SPOCK1: variants seen among roughly 807,000 people sequenced by gnomAD.
SPOCK1 encodes SPARC (osteonectin), cwcv and kazal like domains proteoglycan 1.
In SPOCK1, 23 loss-of-function variants were observed where a neutral mutation model predicts 55.3. The observed-to-expected ratio is 0.42, with a 90% confidence interval of 0.30 to 0.59. SPOCK1 has a LOEUF of 0.59. Ranked by LOEUF, SPOCK1 falls within the 20% of genes least tolerant of loss-of-function variation. The pLI, the probability that SPOCK1 is intolerant of heterozygous loss-of-function variation, is 0.22. For missense variants in SPOCK1, 499 were observed against 552.5 expected, an observed-to-expected ratio of 0.90 and a Z score of 0.97; for synonymous variants, 226 against 221.0, an observed-to-expected ratio of 1.02 and a Z score of -0.20.
chr5:137,140,810 G>A, intron 3 of SPOCK1, 116 bp from the exon 4 acceptor site: 1 of 591,938 alleles, frequency 1.7e-6, no homozygotes, highest in South Asian at 3.1e-5. Context: ...CCAGACTGGT[G>A]TGCGGTGGCG....
At chr5:137,057,135 T>C (rs1752317454) in intron 6 of SPOCK1, among the ~76,000 whole-genome samples, 1 of 152,122 alleles carries the variant, frequency 6.6e-6, no homozygotes, top group African/African-American at 2.4e-5. Context: ...CTTGAAATAA[T>C]AAGATTCATA....
chr5:137,032,975 C>G (rs1751811563), intron 6 of SPOCK1, among the ~76,000 whole-genome samples: 1 of 152,214 alleles, frequency 6.6e-6, no homozygotes, highest in Non-Finnish European at 1.5e-5. Context: ...GAACTCGGCC[C>G]TCACAGCCTC....
intron 6 of SPOCK1, among the ~76,000 whole-genome samples, chr5:137,025,631 A>C (rs1256961967): frequency 2.0e-5 from 3 of 152,118 alleles, no homozygotes; most frequent in Non-Finnish European, 4.4e-5. Context: ...TTGAGGTGGG[A>C]GGATCACTTG....
At chr5:137,114,754 A>T (rs1753545362) in intron 4 of SPOCK1, among the ~76,000 whole-genome samples, 1 of 152,244 alleles carries the variant, frequency 6.6e-6, no homozygotes, top group Non-Finnish European at 1.5e-5. Context: ...ACTGATAATG[A>T]ATCAGCAAAT....
At chr5:137,449,186 T>C (rs1189472916) in intron 2 of SPOCK1, among the ~76,000 whole-genome samples, 1 of 152,196 alleles carries the variant, frequency 6.6e-6, no homozygotes, top group Non-Finnish European at 1.5e-5. Flanking sequence ...TAGAAAATGA[T>C]TTCTTCTCAA....
chr5:137,026,641 G>T (rs1405419352), intron 6 of SPOCK1, among the ~76,000 whole-genome samples: 1 of 151,948 alleles, frequency 6.6e-6, no homozygotes, highest in Non-Finnish European at 1.5e-5. Flanking sequence ...ACCCTCTATT[G>T]GTTCTGTTTC....
intron 2 of SPOCK1, among the ~76,000 whole-genome samples, chr5:137,451,799 C>T (rs935858206): frequency 6.6e-5 from 10 of 152,198 alleles, no homozygotes; most frequent in African/African-American, 2.2e-4. Context: ...ATTTGCTTCA[C>T]CCATTTACAT....
intron 5 of SPOCK1, among the ~76,000 whole-genome samples, chr5:137,110,139 T>A (rs1753440983): frequency 6.6e-6 from 1 of 152,192 alleles, no homozygotes; most frequent in African/African-American, 2.4e-5. Context: ...GTAACGATAG[T>A]GGCAAGGGAG....
intron 2 of SPOCK1, among the ~76,000 whole-genome samples, chr5:137,436,367 A>G (rs529132677): frequency 6.6e-6 from 1 of 152,234 alleles, no homozygotes; most frequent in South Asian, 2.1e-4. Flanking sequence ...CAAATAGTTA[A>G]CTTAGAATAT....
chr5:137,150,539 G>A (rs1391037174), intron 3 of SPOCK1, among the ~76,000 whole-genome samples: 2 of 152,096 alleles, frequency 1.3e-5, no homozygotes, highest in South Asian at 2.1e-4. Context: ...TTCAAGCACT[G>A]TTGGTAAGAG....
intron 3 of SPOCK1, among the ~76,000 whole-genome samples, chr5:137,146,892 A>G (rs888373595): frequency 3.9e-5 from 6 of 152,202 alleles, no homozygotes; most frequent in South Asian, 4.1e-4. Flanking sequence ...GGTTGGACTC[A>G]TGCATTTAAG....
chr5:137,377,807 A>G (rs994440214), intron 2 of SPOCK1, among the ~76,000 whole-genome samples: 3 of 152,042 alleles, frequency 2.0e-5, no homozygotes, highest in Non-Finnish European at 4.4e-5. Flanking sequence ...TCCAAGATCA[A>G]CAAATGAATC....
intron 6 of SPOCK1, among the ~76,000 whole-genome samples, chr5:137,008,572 C>T (rs1751295073): frequency 6.6e-6 from 1 of 152,054 alleles, no homozygotes; most frequent in African/African-American, 2.4e-5. Context: ...TGAGCCCTTC[C>T]AAAGGAAATA....
intron 3 of SPOCK1, among the ~76,000 whole-genome samples, chr5:137,183,520 A>G (rs970375282): frequency 2.0e-5 from 3 of 152,200 alleles, no homozygotes; most frequent in Middle Eastern, 3.2e-3. Flanking sequence ...ATTGATTCCT[A>G]TATCTCACCT....
At chr5:137,024,427 A>G (rs898915549) in intron 6 of SPOCK1, among the ~76,000 whole-genome samples, 26 of 152,118 alleles carry the variant, frequency 1.7e-4, no homozygotes, top group Middle Eastern at 3.4e-3. Flanking sequence ...AGGTTTTCAG[A>G]ATAAAAGGAG....
At chr5:137,095,200 AAATAT>A (rs751223294) in intron 5 of SPOCK1, among the ~76,000 whole-genome samples, 3 of 152,316 alleles carry the variant, frequency 2.0e-5, no homozygotes, top group East Asian at 3.9e-4. Flanking sequence ...TCACCATAAC[AAATAT>A]AATAATAATT....
At position 137,053,259 on chromosome 5, in the gene SPOCK1, T is replaced by A. The variant is rs1018435951; in HGVS notation, c.589+14456A>T. Among the ~76,000 whole-genome samples the A allele has an allele frequency of 4.6e-5, 7 of 152,048 alleles. 1 individual carries two copies. Among genetic ancestry groups the A allele is most frequent in the Non-Finnish European group, 1.0e-4 (7 of 68,028 alleles). On this transcript the variant is annotated intron_variant, in intron 6 of 10. Coordinates refer to ENST00000394945, the MANE Select transcript of SPOCK1 (RefSeq NM_004598.4). ...GTGCACAGGGCGCCAGAGGGCAAAG[T>A]AGTCAGTTGTGGTTATCACAGAAAG...
At chr5:137,449,438 T>C (rs1046929427) in intron 2 of SPOCK1, among the ~76,000 whole-genome samples, 1 of 152,214 alleles carries the variant, frequency 6.6e-6, no homozygotes, top group Non-Finnish European at 1.5e-5. Context: ...TTTTTCAGTC[T>C]TAAGCAGTTC....
intron 2 of SPOCK1, among the ~76,000 whole-genome samples, chr5:137,392,485 T>C (rs911459743): frequency 6.6e-6 from 1 of 152,200 alleles, no homozygotes; most frequent in Non-Finnish European, 1.5e-5. Context: ...CACTCAATGG[T>C]ATGTGCTGCT....
Sources: allele counts gnomAD v4.1 joint callset (sites outside exome capture counted in the v4.1 genomes callset), GRCh38; gene constraint gnomAD v4.1.1; transcripts MANE v1.5; gene names NCBI Gene and HGNC (gene_info 2026-07-23, HGNC 2026-07-21).